GALNTL6: variants seen among roughly 807,000 people sequenced by gnomAD.
GALNTL6 encodes polypeptide N-acetylgalactosaminyltransferase like 6, also known as polypeptide N-acetylgalactosaminyltransferase-like 6.
In GALNTL6, 46 loss-of-function variants were observed where a neutral mutation model predicts 73.7. The ratio of observed to expected loss-of-function variants is 0.62; its 90% CI spans 0.49 to 0.80. The LOEUF is 0.80. Ranked by LOEUF, GALNTL6 falls within the 30% of genes least tolerant of loss-of-function variation. The pLI, the probability that GALNTL6 is intolerant of heterozygous loss-of-function variation, is 0.00. For synonymous variants in GALNTL6, 259 were observed against 263.7 expected, an observed-to-expected ratio of 0.98 and a Z score of 0.17; for missense variants, 604 against 755.0, an observed-to-expected ratio of 0.80 and a Z score of 2.34.
chr4:172,931,323 A>G (rs1748327058), intron 9 of GALNTL6, 55 bp downstream of exon 9: 1 of 1,015,730 alleles, frequency 9.8e-7, no homozygotes. Flanking sequence ...CTGTAACCAG[A>G]GTAACCAACC....
At chr4:172,949,374 T>C (rs190885454) in intron 9 of GALNTL6, among the ~76,000 whole-genome samples, 9 of 152,346 alleles carry the variant, frequency 5.9e-5, no homozygotes, top group Non-Finnish European at 1.0e-4. Flanking sequence ...TTTAAAGGTA[T>C]ATTTTTTCTT....
chr4:172,111,413 TTA>T (rs1320825002), intron 2 of GALNTL6, among the ~76,000 whole-genome samples: 15 of 152,148 alleles, frequency 9.9e-5, no homozygotes, highest in African/African-American at 3.6e-4. Flanking sequence ...TAAATTATTT[TTA>T]GTTTTATTTT....
intron 2 of GALNTL6, among the ~76,000 whole-genome samples, chr4:171,968,997 C>T (rs547855004): frequency 2.6e-5 from 4 of 151,970 alleles, no homozygotes; most frequent in South Asian, 2.1e-4. Flanking sequence ...CCACCACGCC[C>T]GGCTAATTTT....
At chr4:172,726,445 G>C (rs1400412228) in intron 5 of GALNTL6, among the ~76,000 whole-genome samples, 1 of 152,096 alleles carries the variant, frequency 6.6e-6, no homozygotes, top group Admixed American at 6.6e-5. Flanking sequence ...AATCTTTCTG[G>C]CTCCTGCAAG....
chr4:172,650,100 A>G (rs1026253519), intron 5 of GALNTL6, among the ~76,000 whole-genome samples: 6 of 152,166 alleles, frequency 3.9e-5, no homozygotes, highest in African/African-American at 1.4e-4. Context: ...AACGATTTTC[A>G]TGGTATAGAA....
At chr4:172,728,066 C>G (rs1735929902) in intron 5 of GALNTL6, among the ~76,000 whole-genome samples, 1 of 152,086 alleles carries the variant, frequency 6.6e-6, no homozygotes, top group African/African-American at 2.4e-5. Context: ...GCACCTGCCA[C>G]CACGCCTGGC....
At chr4:171,852,939 T>C (rs1224176598) in intron 2 of GALNTL6, among the ~76,000 whole-genome samples, 1 of 151,288 alleles carries the variant, frequency 6.6e-6, no homozygotes, top group Non-Finnish European at 1.5e-5. Context: ...CTCCGCCTCC[T>C]GGGTTCACGC....
intron 5 of GALNTL6, among the ~76,000 whole-genome samples, chr4:172,736,487 G>T (rs1158279186): frequency 6.6e-6 from 1 of 152,200 alleles, no homozygotes; most frequent in East Asian, 1.9e-4. Flanking sequence ...AAGGTGCCCA[G>T]ATTTCACATT....
intron 5 of GALNTL6, among the ~76,000 whole-genome samples, chr4:172,749,605 C>T (rs1179813162): frequency 1.3e-5 from 2 of 151,924 alleles, no homozygotes; most frequent in East Asian, 3.9e-4. Context: ...TCCCTAAGCC[C>T]CCCAAATCCC....
chr4:171,924,752 C>CATCT (rs1233972574), intron 2 of GALNTL6, among the ~76,000 whole-genome samples: 2 of 152,114 alleles, frequency 1.3e-5, no homozygotes, highest in Non-Finnish European at 2.9e-5. Flanking sequence ...GAGTGGCACC[C>CATCT]ATCTCTACAG....
chr4:171,995,418 C>T (rs544349367), intron 2 of GALNTL6, among the ~76,000 whole-genome samples: 84 of 152,024 alleles, frequency 5.5e-4, no homozygotes, highest in African/African-American at 2.0e-3. Context: ...TTTACCGAAA[C>T]TGAAGAAAAC....
chr4:172,196,589 T>G (rs1450538484), intron 2 of GALNTL6, among the ~76,000 whole-genome samples: 1 of 152,296 alleles, frequency 6.6e-6, no homozygotes, highest in Non-Finnish European at 1.5e-5. Context: ...ATTAAAAAGC[T>G]TATCCACCAC....
intron 5 of GALNTL6, among the ~76,000 whole-genome samples, chr4:172,731,443 T>C (rs1328287905): frequency 6.6e-6 from 1 of 152,124 alleles, no homozygotes; most frequent in East Asian, 1.9e-4. Context: ...TCTTCTCTCT[T>C]TTATTCTTAG....
chr4:173,016,991 G>A (rs1263809497), intron 11 of GALNTL6, among the ~76,000 whole-genome samples: 1 of 152,120 alleles, frequency 6.6e-6, no homozygotes, highest in East Asian at 1.9e-4. Flanking sequence ...CATGAGATCT[G>A]ATGGCTTTAT....
chr4:172,766,350 A>G (rs1738406156), intron 5 of GALNTL6, among the ~76,000 whole-genome samples: 2 of 152,158 alleles, frequency 1.3e-5, no homozygotes, highest in African/African-American at 4.8e-5. Flanking sequence ...ACTTATTTGA[A>G]GTATTTTATG....
At chr4:172,660,855 C>G (rs1393456244) in intron 5 of GALNTL6, among the ~76,000 whole-genome samples, 1 of 152,144 alleles carries the variant, frequency 6.6e-6, no homozygotes, top group African/African-American at 2.4e-5. Flanking sequence ...CCCTCTGAGC[C>G]AGCTCTGGTT....
intron 3 of GALNTL6, among the ~76,000 whole-genome samples, chr4:172,303,938 G>T (rs1449770896): frequency 3.3e-5 from 5 of 152,094 alleles, no homozygotes; most frequent in Non-Finnish European, 1.5e-5. Flanking sequence ...AATACAAAGT[G>T]CATTAATTCA....
At chr4:172,047,431 G>A (rs1360045321) in intron 2 of GALNTL6, among the ~76,000 whole-genome samples, 1 of 152,070 alleles carries the variant, frequency 6.6e-6, no homozygotes, top group East Asian at 1.9e-4. Context: ...CAACAGATGT[G>A]TCAAAATGAT....
intron 2 of GALNTL6, among the ~76,000 whole-genome samples, chr4:171,930,725 AC>A (rs1375168867): frequency 6.6e-6 from 1 of 152,140 alleles, no homozygotes; most frequent in African/African-American, 2.4e-5. Flanking sequence ...AGTCCCAGCT[AC>A]TTGGGAGGCT....
Sources: gnomAD v4.1 joint callset for allele counts (sites outside exome capture counted in the v4.1 genomes callset) on GRCh38, gnomAD v4.1.1 for gene constraint, MANE v1.5 for transcripts, NCBI Gene and HGNC (gene_info 2026-07-23, HGNC 2026-07-21) for gene names.